KDM4C: variants seen among roughly 807,000 people sequenced by gnomAD.
KDM4C encodes lysine demethylase 4C, also known as lysine-specific demethylase 4C.
Under a neutral mutation model 129.3 loss-of-function variants are expected in KDM4C, and 81 were observed. The observed-to-expected ratio is 0.63, with a 90% CI of 0.52 to 0.75. The LOEUF (loss-of-function observed/expected upper bound fraction) is 0.75, where lower values mean the gene tolerates loss of function less well. Ranked by LOEUF, KDM4C falls within the 30% of genes least tolerant of loss-of-function variation. The pLI, the probability that KDM4C is intolerant of heterozygous loss-of-function variation, is 0.00. For missense variants in KDM4C, 1,457 were observed against 1,304.0 expected, an observed-to-expected ratio of 1.12 and a Z score of -1.81; for synonymous variants, 573 against 456.1, an observed-to-expected ratio of 1.26 and a Z score of -3.26.
At chr9:6,770,552 C>T (rs951266817) in intron 1 of KDM4C, among the ~76,000 whole-genome samples, 2 of 151,228 alleles carry the variant, frequency 1.3e-5, no homozygotes, top group African/African-American at 2.4e-5. Context: ...CATGATAATA[C>T]ATCACATTCA....
chr9:6,766,994 A>G (rs1588131426), intron 1 of KDM4C, among the ~76,000 whole-genome samples: 1 of 151,910 alleles, frequency 6.6e-6, no homozygotes, highest in Non-Finnish European at 1.5e-5. Context: ...GATCATTAGT[A>G]TATTGTTGAT....
intron 8 of KDM4C, among the ~76,000 whole-genome samples, chr9:6,977,837 C>G (rs1483991214): frequency 6.6e-6 from 1 of 152,076 alleles, no homozygotes; most frequent in Non-Finnish European, 1.5e-5. Context: ...TGGGATTGCT[C>G]CTCCTGTTTG....
chr9:6,996,597 T>G (rs1228662565), intron 12 of KDM4C, among the ~76,000 whole-genome samples: 2 of 152,200 alleles, frequency 1.3e-5, no homozygotes, highest in Non-Finnish European at 2.9e-5. Flanking sequence ...AATTGTAAAC[T>G]AAGGACAAGC....
intron 1 of KDM4C, among the ~76,000 whole-genome samples, chr9:6,771,318 T>C (rs576611316): frequency 6.6e-6 from 1 of 151,878 alleles, no homozygotes; most frequent in Non-Finnish European, 1.5e-5. Flanking sequence ...TTTTTTAATT[T>C]ATTTATTTTT....
chr9:7,091,716 G>A (rs977791551), intron 17 of KDM4C, among the ~76,000 whole-genome samples: 1 of 152,174 alleles, frequency 6.6e-6, no homozygotes, highest in African/African-American at 2.4e-5. Context: ...ATTGAGTTAA[G>A]CCTTGGCCAT....
chr9:6,970,135 C>G (rs184124043), intron 8 of KDM4C, among the ~76,000 whole-genome samples: 1 of 152,150 alleles, frequency 6.6e-6, no homozygotes, highest in African/African-American at 2.4e-5. Context: ...AGCATCCTAA[C>G]GAAGAGAAAT....
intron 15 of KDM4C, among the ~76,000 whole-genome samples, chr9:7,042,042 AC>A: frequency 6.6e-6 from 1 of 152,174 alleles, no homozygotes; most frequent in Non-Finnish European, 1.5e-5. Context: ...TTATGGACTG[AC>A]AATGTTATAT....
At chr9:6,864,891 C>G (rs1208346341) in intron 5 of KDM4C, among the ~76,000 whole-genome samples, 2 of 151,350 alleles carry the variant, frequency 1.3e-5, no homozygotes, top group East Asian at 1.9e-4. Flanking sequence ...TCTGCTTGAT[C>G]AATTCTGCTG....
intron 4 of KDM4C, among the ~76,000 whole-genome samples, chr9:6,841,898 C>T (rs918944320): frequency 1.3e-5 from 2 of 152,214 alleles, no homozygotes; most frequent in African/African-American, 4.8e-5. Context: ...TTGTTCAGGG[C>T]TGTGCTAGAT....
At chr9:6,771,585 A>G (rs747720017) in intron 1 of KDM4C, among the ~76,000 whole-genome samples, 11 of 152,182 alleles carry the variant, frequency 7.2e-5, no homozygotes, top group Non-Finnish European at 1.5e-4. Context: ...TGCTGGGATT[A>G]CAGGTGTGAG....
At chr9:7,019,717 ATATAATATTTTTATATAT>A (rs1586954272) in intron 15 of KDM4C, among the ~76,000 whole-genome samples, 1 of 112,756 alleles carries the variant, frequency 8.9e-6, no homozygotes, top group East Asian at 3.0e-4. Flanking sequence ...ATATATAAAA[ATATAATATTTTTATATAT>A]AAAAATATAA....
chr9:7,043,849 A>T (rs961769099), intron 15 of KDM4C, among the ~76,000 whole-genome samples: 6 of 152,028 alleles, frequency 3.9e-5, no homozygotes, highest in Non-Finnish European at 8.8e-5. Context: ...CTTGCAGCAT[A>T]CTTTACTTAG....
chr9:6,749,574 G>A (rs1254248761), intron 1 of KDM4C, among the ~76,000 whole-genome samples: 5 of 151,604 alleles, frequency 3.3e-5, no homozygotes, highest in Non-Finnish European at 7.4e-5. Flanking sequence ...AGGCTGTGAC[G>A]GGAGGATTGC....
intron 17 of KDM4C, among the ~76,000 whole-genome samples, chr9:7,102,586 C>G (rs1000088620): frequency 6.6e-6 from 1 of 152,062 alleles, no homozygotes; most frequent in Non-Finnish European, 1.5e-5. Context: ...GGGACAGAAT[C>G]TAAAAGATTA....
chr9:6,847,093 TGTCA>T (rs1381258847), intron 4 of KDM4C, among the ~76,000 whole-genome samples: 1 of 152,190 alleles, frequency 6.6e-6, no homozygotes, highest in African/African-American at 2.4e-5. Flanking sequence ...TAAAAGATAG[TGTCA>T]GTCAGAAATA....
chr9:6,838,420 A>G (rs1836274948), intron 4 of KDM4C, among the ~76,000 whole-genome samples: 3 of 152,180 alleles, frequency 2.0e-5, no homozygotes, highest in Admixed American at 6.5e-5. Context: ...TTTTCTCCCA[A>G]GAGGATTGGA....
chr9:7,169,912 T>A, intron 21 of KDM4C, 22 bp downstream of exon 21: 2 of 1,613,728 alleles, frequency 1.2e-6, no homozygotes, highest in Non-Finnish European at 1.7e-6. Context: ...CAGATGCCAC[T>A]TGGGGACCTG....
rs533953077 is a variant in KDM4C at position 7,052,185 on chromosome 9, T to A, written c.2424+2985T>A. 3.3e-5 allele frequency among the ~76,000 whole-genome samples: 5 copies of A among 152,346 alleles called. No homozygotes were observed. In the South Asian group the frequency reaches 1.0e-3, roughly 32 times the overall value. On this transcript the variant is annotated intron_variant, in intron 17 of 21. Coordinates refer to ENST00000381309, the MANE Select transcript of KDM4C (RefSeq NM_015061.6). ...TTTCAAATCCAAATTTCTTTTTTGT[T>A]AGCAAAGCAATAAAGTCTGGTAACA... is the stretch of plus-strand genomic sequence containing the variant.
chr9:6,772,427 T>C (rs1822051233), intron 1 of KDM4C, among the ~76,000 whole-genome samples: 1 of 152,120 alleles, frequency 6.6e-6, no homozygotes. Flanking sequence ...AATGGCACGA[T>C]CTTGGCTCAC....
Sources: gnomAD v4.1 joint callset for allele counts (sites outside exome capture counted in the v4.1 genomes callset) on GRCh38, gnomAD v4.1.1 for gene constraint, MANE v1.5 for transcripts, NCBI Gene and HGNC (gene_info 2026-07-23, HGNC 2026-07-21) for gene names.